Variants in LARGE1 observed in about 807,000 individuals in gnomAD.
LARGE1 encodes the protein LARGE xylosyl- and glucuronyltransferase 1.
Under a neutral mutation model 87.6 loss-of-function variants are expected in LARGE1, and 43 were observed. The ratio of observed to expected loss-of-function variants is 0.49; its 90% CI spans 0.38 to 0.63. The LOEUF (loss-of-function observed/expected upper bound fraction) is 0.63, where lower values mean the gene tolerates loss of function less well. Among genes scored for constraint, LARGE1 ranks in the 30% least tolerant of loss-of-function variants. The pLI, the probability that LARGE1 is intolerant of heterozygous loss-of-function variation, is 0.00. For missense variants in LARGE1, 802 were observed against 1,000.2 expected (o/e 0.80, Z 2.67); for synonymous variants, 434 against 394.6 (o/e 1.10, Z -1.18).
At chr22:33,667,839 T>C (rs1474010211) in intron 2 of LARGE1, among the ~76,000 whole-genome samples, 3 of 152,268 alleles carry the variant, frequency 2.0e-5, no homozygotes, top group South Asian at 4.1e-4. Context: ...TATAAGGACA[T>C]GCCCGCTGTC....
intron 6 of LARGE1, among the ~76,000 whole-genome samples, chr22:33,496,891 C>T (rs997390519): frequency 1.9e-5 from 2 of 104,586 alleles, no homozygotes; most frequent in African/African-American, 6.0e-5. Context: ...ATAAATTCAA[C>T]ATTGTTTGGT....
chr22:33,320,041 A>T (rs1936559677), intron 10 of LARGE1, among the ~76,000 whole-genome samples: 1 of 152,206 alleles, frequency 6.6e-6, no homozygotes, highest in African/African-American at 2.4e-5. Flanking sequence ...GTCCCTGCCT[A>T]TTTGAAGATT....
chr22:33,430,335 T>C (rs724775), intron 7 of LARGE1, among the ~76,000 whole-genome samples: 1 of 152,112 alleles, frequency 6.6e-6, no homozygotes, highest in South Asian at 2.1e-4. Flanking sequence ...GTAGAGGCCC[T>C]GCCTTACCCA....
intron 1 of LARGE1, among the ~76,000 whole-genome samples, chr22:33,900,481 G>C (rs931605808): frequency 1.6e-4 from 25 of 152,174 alleles, no homozygotes; most frequent in African/African-American, 6.0e-4. Flanking sequence ...TCACTCAGGG[G>C]ATACGATTTC....
At chr22:33,187,524 G>T (rs1253578187) in intron 11 of LARGE1, among the ~76,000 whole-genome samples, 1 of 152,096 alleles carries the variant, frequency 6.6e-6, no homozygotes, top group Non-Finnish European at 1.5e-5. Flanking sequence ...AATGTTAGTA[G>T]AAGAATAGCA....
chr22:33,787,510 G>A (rs2085687138), intron 1 of LARGE1, among the ~76,000 whole-genome samples: 2 of 152,252 alleles, frequency 1.3e-5, no homozygotes, highest in East Asian at 1.9e-4. Flanking sequence ...GACCAGTCCT[G>A]CCTCCAAACT....
At chr22:33,389,894 A>C (rs1000881195) in intron 7 of LARGE1, among the ~76,000 whole-genome samples, 21 of 147,064 alleles carry the variant, frequency 1.4e-4, no homozygotes, top group Admixed American at 3.4e-4. Flanking sequence ...AACCAACCAA[A>C]CAAAAAAAAC....
intron 11 of LARGE1, among the ~76,000 whole-genome samples, chr22:33,202,225 A>G (rs1924435096): frequency 6.6e-6 from 1 of 151,910 alleles, no homozygotes; most frequent in South Asian, 2.1e-4. Context: ...AGAAAGAGAT[A>G]CTCTCCCCAC....
chr22:33,797,216 G>A (rs1030973700), intron 1 of LARGE1, among the ~76,000 whole-genome samples: 1 of 152,164 alleles, frequency 6.6e-6, no homozygotes, highest in Non-Finnish European at 1.5e-5. Context: ...AAGACAAGAA[G>A]GGGGCACCCC....
intron 11 of LARGE1, among the ~76,000 whole-genome samples, chr22:33,225,730 G>C (rs1206846447): frequency 6.6e-6 from 1 of 151,918 alleles, no homozygotes; most frequent in Non-Finnish European, 1.5e-5. Context: ...CCCTCAACTA[G>C]GCCCCACTGT....
intron 6 of LARGE1, among the ~76,000 whole-genome samples, chr22:33,472,772 C>T (rs1178424969): frequency 6.6e-6 from 1 of 152,184 alleles, no homozygotes; most frequent in Non-Finnish European, 1.5e-5. Context: ...AAGCATCTAC[C>T]ATGTAAATTG....
At chr22:33,257,378 CA>C (rs1403910812) in intron 11 of LARGE1, among the ~76,000 whole-genome samples, 1 of 149,418 alleles carries the variant, frequency 6.7e-6, no homozygotes, top group Non-Finnish European at 1.5e-5. Flanking sequence ...ACAAAAAATA[CA>C]AAAACTAGGT....
chr22:33,235,723 C>T (rs1926219910), intron 11 of LARGE1, among the ~76,000 whole-genome samples: 1 of 152,106 alleles, frequency 6.6e-6, no homozygotes, highest in Non-Finnish European at 1.5e-5. Context: ...GACTAAACAT[C>T]CCAGGAGGCG....
chr22:33,154,697 T>C, the LARGE1 span, among the ~76,000 whole-genome samples: 2 of 152,174 alleles, frequency 1.3e-5, no homozygotes, highest in Admixed American at 6.5e-5. Flanking sequence ...TCTTTTTTTT[T>C]CTTGGGTTAA....
chr22:33,489,381 G>T (rs2069725424), intron 6 of LARGE1, among the ~76,000 whole-genome samples: 2 of 152,206 alleles, frequency 1.3e-5, no homozygotes, highest in Non-Finnish European at 2.9e-5. Flanking sequence ...GCGCAGGGCA[G>T]TGTTCTGAGC....
chr22:33,836,495 C>A (rs529770471), intron 1 of LARGE1, among the ~76,000 whole-genome samples: 9 of 152,268 alleles, frequency 5.9e-5, no homozygotes, highest in Admixed American at 5.2e-4. Context: ...AAGAACCCTG[C>A]AACTTCTACA....
chr22:33,368,675 T>A (rs112959644), intron 9 of LARGE1, among the ~76,000 whole-genome samples: 1,774 of 152,234 alleles, frequency 0.012, 22 homozygotes, highest in African/African-American at 0.035. Flanking sequence ...TGGACAGATA[T>A]ATATACAGGC....
At chr22:33,879,214 C>T (rs889317956) in intron 1 of LARGE1, among the ~76,000 whole-genome samples, 1 of 152,188 alleles carries the variant, frequency 6.6e-6, no homozygotes, top group African/African-American at 2.4e-5. Flanking sequence ...GATCTGCCCG[C>T]CTCGGCCTCC....
chr22:33,840,056 C>T (rs5999119), intron 1 of LARGE1, among the ~76,000 whole-genome samples: 91 of 152,222 alleles, frequency 6.0e-4, no homozygotes, highest in African/African-American at 2.0e-3. Flanking sequence ...AAAATGCCTC[C>T]GAATTGAAGG....
Sources: gnomAD v4.1 joint callset for allele counts (sites outside exome capture counted in the v4.1 genomes callset) on GRCh38, gnomAD v4.1.1 for gene constraint, MANE v1.5 for transcripts, NCBI Gene and HGNC (gene_info 2026-07-23, HGNC 2026-07-21) for gene names.